AP3D1: variants seen among roughly 807,000 people sequenced by gnomAD.
The protein encoded by AP3D1 is AP-3 complex subunit delta-1.
AP3D1 carries 51 observed loss-of-function variants against 147.6 expected under a neutral mutation model. The observed-to-expected ratio is 0.35, with a 90% CI of 0.28 to 0.44. AP3D1 has a LOEUF of 0.44. Ranked by LOEUF, AP3D1 falls within the 20% of genes least tolerant of loss-of-function variation. The pLI is 1.00. For missense variants in AP3D1, 1,421 were observed against 1,624.2 expected, an observed-to-expected ratio of 0.87 and a Z score of 2.15; for synonymous variants, 760 against 663.0, an observed-to-expected ratio of 1.15 and a Z score of -2.25.
chr19:2,110,622 C>G (rs759124110), intron 27 of AP3D1, 85 bp downstream of exon 27: 8 of 1,390,436 alleles, frequency 5.8e-6, no homozygotes, highest in Non-Finnish European at 7.7e-6. Flanking sequence ...GAGGAAGCAA[C>G]AAGAACCAGC....
intron 1 of AP3D1, among the ~76,000 whole-genome samples, chr19:2,139,729 G>A (rs753128779): frequency 6.0e-4 from 91 of 152,318 alleles, no homozygotes; most frequent in Non-Finnish European, 9.1e-4. Context: ...CAGGAGTGAC[G>A]GCTGCCCGGG....
chr19:2,132,812 G>A (rs958885441), intron 4 of AP3D1, among the ~76,000 whole-genome samples: 3 of 152,192 alleles, frequency 2.0e-5, no homozygotes, highest in Admixed American at 6.5e-5. Flanking sequence ...GAGAGGAGCC[G>A]GGATGGGCGC....
chr19:2,133,487 G>A (rs1316333738), intron 4 of AP3D1: 10 of 151,736 alleles, frequency 6.6e-5, no homozygotes, highest in African/African-American at 2.4e-4. Context: ...TTAATATTCT[G>A]TGGTCAAAAT....
chr19:2,138,101 C>T (rs998350956), intron 2 of AP3D1, among the ~76,000 whole-genome samples: 10 of 152,208 alleles, frequency 6.6e-5, no homozygotes, highest in African/African-American at 1.9e-4. Flanking sequence ...CAACCCTTGG[C>T]GAATCGGCTC....
chr19:2,114,263 G>A lies in AP3D1; in HGVS notation c.2463C>T (p.His821=). The A allele has an allele frequency of 6.2e-7, 1 of 1,612,880 alleles. No homozygotes were observed. Among genetic ancestry groups the A allele is most frequent in the Non-Finnish European group, 8.5e-7 (1 of 1,179,714 alleles). Residue 821 remains histidine, a synonymous_variant, in exon 22 of 32, where the codon CAC becomes CAT. Coordinates refer to ENST00000643116, the MANE Select transcript of AP3D1 (RefSeq NM_001261826.3). Reference sequence around the variant, plus strand: ...GGGATTTTGAGGTCTCGGTGTTTCTGTGTTTCTGAATAGGCAGTTTCTCGC... The same window carrying A: ...GGGATTTTGAGGTCTCGGTGTTTCTATGTTTCTGAATAGGCAGTTTCTCGC... ...ADSEKLPIQK[H]RNTETSKSPE...
upstream of AP3D1, among the ~76,000 whole-genome samples, chr19:2,155,585 T>TTC (rs959040190): frequency 3.5e-4 from 52 of 150,546 alleles, no homozygotes; most frequent in African/African-American, 1.2e-3. Flanking sequence ...CCCTGCCCGC[T>TTC]TCTCTGCTGG....
At position 2,138,631 on chromosome 19, in the gene AP3D1, G is replaced by A. The variant is rs760443906; in HGVS notation, c.180C>T (p.Cys60=). The A allele has an allele frequency of 6.2e-7, 1 of 1,613,788 alleles. No individual in the cohort carries two copies. The highest frequency in any genetic ancestry group is 8.5e-7 in the Non-Finnish European group (1 of 1,179,912). Residue 60 remains cysteine (C), a synonymous_variant, in exon 2 of 32, where the codon TGC becomes TGT. Transcript: ENST00000643116. ...DNIAVKANAV[C]KLTYLQMLGY... ...GGGAGGCACTTACATACGTCAGCTTGCAGACCGCGTTCGCCTTCACCGCTA... is the reference window on the plus strand; with the variant it reads ...GGGAGGCACTTACATACGTCAGCTTACAGACCGCGTTCGCCTTCACCGCTA...
Position 2,102,053 on chromosome 19 carries a change from G to A in AP3D1, c.*120C>T, listed in dbSNP as rs916402335. ...GGATGTCTACACGGCGGACAACATA[G>A]AGTTAAATTAACACTCAGGCTTGGG... is the stretch of plus-strand genomic sequence containing the variant. On this transcript the variant is annotated 3_prime_UTR_variant, in exon 32 of 32. Transcript: ENST00000643116. 2.7e-6 allele frequency: 2 copies of A among 730,408 alleles called. No homozygotes were observed. The highest frequency in any genetic ancestry group is 4.6e-6 in the Non-Finnish European group (2 of 430,632). The allele number at this position is 730,408 out of a possible 1,614,324, so 45.2% of individuals were successfully genotyped here. A position where few individuals can be genotyped will look rare whatever the true frequency, so the allele number is the denominator to read the frequency against.
At chr19:2,112,679 TAAG>T (rs1295553297) in intron 24 of AP3D1, 178 bp downstream of exon 24, 24 of 558,678 alleles carry the variant, frequency 4.3e-5, no homozygotes, top group South Asian at 2.4e-4. Context: ...CATGTGTGAA[TAAG>T]AAGGTTATTA....
rs2240654 is a variant in AP3D1 at position 2,115,384 on chromosome 19, C to T, written c.2184G>A (p.Glu728=). The part of the protein sequence containing the change: ...LPMSDQYVKL[E]EERRHRQKLE... ...GCTTCTGCCGGTGCCGCCGCTCCTC[C>T]TCCAGCTTCACATACTGATCTGACA... Residue 728 remains glutamate (E), a synonymous_variant, in exon 20 of 32, where the codon GAG becomes GAA. Coordinates refer to ENST00000643116, the MANE Select transcript of AP3D1 (RefSeq NM_001261826.3). 5,274 of 1,606,946 alleles carry T rather than the reference C, an allele frequency of 3.3e-3. 102 individuals are homozygous for T. In the East Asian group the frequency reaches 0.041, roughly 12 times the overall value.
intron 1 of AP3D1, among the ~76,000 whole-genome samples, chr19:2,163,951 C>T (rs909632710): frequency 6.0e-5 from 9 of 149,690 alleles, no homozygotes; most frequent in Non-Finnish European, 1.2e-4. Flanking sequence ...CGCTTCACGC[C>T]GGCCCAAGAT....
intron 5 of AP3D1, 106 bp downstream of exon 5, chr19:2,132,365 G>A: frequency 9.7e-7 from 1 of 1,025,688 alleles, no homozygotes; most frequent in East Asian, 2.4e-5. Context: ...CACGCACCGG[G>A]GACCCCGGCC....
At chr19:2,146,953 T>C (rs983218855) in intron 1 of AP3D1, among the ~76,000 whole-genome samples, 1 of 152,138 alleles carries the variant, frequency 6.6e-6, no homozygotes, top group African/African-American at 2.4e-5. Context: ...GTGCCCAGAA[T>C]AGCTCTACCC....
Position 2,110,233 on chromosome 19 carries a change from G to T in AP3D1, c.3176-9C>A. Reference sequence around the variant, plus strand: ...GGCTTCGTTGGAGACGCCTGGCGGGGGCGAGAGGGAGTGGGGCCTGAGACG... The same window carrying T: ...GGCTTCGTTGGAGACGCCTGGCGGGTGCGAGAGGGAGTGGGGCCTGAGACG... On this transcript the variant is annotated splice_polypyrimidine_tract_variant and intron_variant, in intron 27 of 31. Coordinates refer to ENST00000643116, the MANE Select transcript of AP3D1 (RefSeq NM_001261826.3). The T allele has an allele frequency of 6.2e-7, 1 of 1,610,810 alleles. No homozygotes were observed.
At chr19:2,164,432 C>T (rs376720642) in exon 1 of AP3D1, 1 of 434,998 alleles carries the variant, frequency 2.3e-6, no homozygotes. Flanking sequence ...CCGAGGGCCC[C>T]GCGGCTGTTT....
chr19:2,109,544 G>A (rs1374002743), intron 29 of AP3D1: 11 of 489,174 alleles, frequency 2.2e-5, no homozygotes, highest in East Asian at 6.9e-5. Context: ...GGACTCAGGG[G>A]GGAGGGGGTG....
rs78422580 is a variant in AP3D1, at chr19:2,122,277, G to A, written c.956-398C>T. ...TGTACCCAGTACTCACTGTTCACCC[G>A]ACTAGCCCAAACCAGCTCACGGACA... On this transcript the variant is annotated intron_variant, in intron 11 of 31. Coordinates refer to ENST00000643116, the MANE Select transcript of AP3D1 (RefSeq NM_001261826.3). 4.0e-3 allele frequency among the ~76,000 whole-genome samples: 603 copies of A among 152,290 alleles called. 3 individuals carry two copies. The highest frequency in any genetic ancestry group is 0.014 in the African/African-American group (583 of 41,560).
At chr19:2,157,070 CCCAT>C (rs1219173529) in intron 1 of AP3D1, among the ~76,000 whole-genome samples, 1 of 151,246 alleles carries the variant, frequency 6.6e-6, no homozygotes, top group Non-Finnish European at 1.5e-5. Flanking sequence ...CATCCATCCA[CCCAT>C]CCATCTATCG....
rs756850780 is a variant in AP3D1 at position 2,110,885 on chromosome 19, G to A, written c.2997C>T (p.Ile999=). The part of the protein sequence containing the change: ...ENSYVKMTCD[I]RGSLQEDSQV... ...GGCTGTCCTCCTGCAGACTGCCCCG[G>A]ATGTCACAGGTCTGCAGGGCATGGC... The change falls in exon 27 of 32, where the codon ATC becomes ATT. Residue 999 remains isoleucine, a synonymous_variant. Coordinates refer to ENST00000643116, the MANE Select transcript of AP3D1 (RefSeq NM_001261826.3). 1 of 1,613,014 alleles carries A rather than the reference G, an allele frequency of 6.2e-7. No homozygotes were observed.
Sources: gnomAD v4.1 joint callset for allele counts (sites outside exome capture counted in the v4.1 genomes callset) on GRCh38, gnomAD v4.1.1 for gene constraint, MANE v1.5 for transcripts, NCBI Gene and HGNC (gene_info 2026-07-23, HGNC 2026-07-21) for gene names.